CENPU: variants seen among roughly 807,000 people sequenced by gnomAD.
CENPU encodes KSHV latent nuclear antigen interacting protein 1.
CENPU carries 46 observed loss-of-function variants against 56.7 expected under a neutral mutation model. That is an observed-to-expected ratio of 0.81 (90% CI 0.64 to 1.04). The LOEUF is 1.04. Ranked by LOEUF, CENPU falls within the 50% of genes least tolerant of loss-of-function variation. The pLI is 0.00. For missense variants in CENPU, 510 were observed against 490.1 expected, an observed-to-expected ratio of 1.04 and a Z score of -0.38; for synonymous variants, 166 against 163.0, an observed-to-expected ratio of 1.02 and a Z score of -0.14.
intron 8 of CENPU, among the ~76,000 whole-genome samples, chr4:184,708,460 GAATAA>G (rs1760804783): frequency 6.6e-6 from 1 of 150,414 alleles, no homozygotes; most frequent in Non-Finnish European, 1.5e-5. Flanking sequence ...AGCAGCAATA[GAATAA>G]AAAAATAAAA....
chr4:184,713,700 C>T (rs1051351005), intron 6 of CENPU, among the ~76,000 whole-genome samples: 2 of 152,108 alleles, frequency 1.3e-5, no homozygotes, highest in African/African-American at 4.8e-5. Flanking sequence ...CAATTTTATT[C>T]AGGCACTGGA....
chr4:184,699,506 T>G, intron 11 of CENPU: 1 of 1,213,236 alleles, frequency 8.2e-7, no homozygotes, highest in Non-Finnish European at 1.1e-6. Flanking sequence ...ACAGGAAGCT[T>G]GTAAATGTTA....
Position 184,717,154 on chromosome 4 carries a change from TAC to T in CENPU, c.361_362del (p.Val121LysfsTer3), listed in dbSNP as rs1761122141. On this transcript the variant is annotated frameshift_variant, in exon 5 of 13. Coordinates refer to ENST00000281453, the MANE Select transcript of CENPU (RefSeq NM_024629.4). LOFTEE classifies it high-confidence loss of function. Reference sequence around the variant, plus strand: ...TACATACCTTTTTTGCACTAATTTTTACAGATTCGATTTCACTTGCTTCATTT... The same window carrying T: ...TACATACCTTTTTTGCACTAATTTTTAGATTCGATTTCACTTGCTTCATTT... ...SGNEASEIES[V>X]KISAKKPGRK... 6.2e-7 allele frequency: 1 copy of T among 1,612,204 alleles called. No individual in the cohort carries two copies. Among genetic ancestry groups the T allele is most frequent in the South Asian group, 1.1e-5 (1 of 91,008 alleles).
Position 184,697,652 on chromosome 4 carries a change from C to G in CENPU, c.1138G>C (p.Glu380Gln), listed in dbSNP as rs771768662. The G allele has an allele frequency of 1.2e-6, 2 of 1,612,568 alleles. No individual in the cohort carries two copies. Among genetic ancestry groups the G allele is most frequent in the Admixed American group, 3.4e-5 (2 of 59,594 alleles). ...DVQAQEPNVK[E>Q]TYDSSSLPAL... is the part of the protein sequence containing the mutation. ...AAAAGTAAAATTGGAGTTACCGTTT[C>G]CTTTACGTTTGGTTCTTGAGCTTGA... is the stretch of plus-strand genomic sequence containing the variant. The change falls in exon 12 of 13, where the codon GAA becomes CAA. Residue 380 changes from glutamate to glutamine, a missense_variant. Physicochemically the swap from Glu to Gln is conservative, Grantham distance 29. Transcript: ENST00000281453.
intron 3 of CENPU, among the ~76,000 whole-genome samples, chr4:184,726,900 C>G (rs2150229327): frequency 6.8e-6 from 1 of 146,802 alleles, no homozygotes; most frequent in East Asian, 2.0e-4. Flanking sequence ...ACCAGCCTGG[C>G]CAATATGGCA....
chr4:184,704,032 A>C (rs1561130299), intron 8 of CENPU, among the ~76,000 whole-genome samples: 1 of 152,166 alleles, frequency 6.6e-6, no homozygotes, highest in Non-Finnish European at 1.5e-5. Context: ...GGTATACTAC[A>C]TAATACTAGG....
At chr4:184,716,674 G>C (rs1229183396) in intron 5 of CENPU, 41 bp from the exon 6 acceptor site, 1 of 1,423,432 alleles carries the variant, frequency 7.0e-7, no homozygotes, top group East Asian at 2.3e-5. Flanking sequence ...GTAGAAAATA[G>C]AAATGCTTAT....
rs1265727163 is a variant in CENPU at position 184,694,595 on chromosome 4, C to A, written c.*693G>T. On this transcript the variant is annotated 3_prime_UTR_variant, in exon 13 of 13. Coordinates refer to ENST00000281453, the MANE Select transcript of CENPU (RefSeq NM_024629.4). ...ACCCAGAATCCTCATAAACCATCAC[C>A]TAGCAGGCTGTCAACAGGTGCATCT... is the stretch of plus-strand genomic sequence containing the variant. 2 of 1,614,134 alleles carry A rather than the reference C, an allele frequency of 1.2e-6. No homozygotes were observed. The highest frequency in any genetic ancestry group is 2.2e-5 in the East Asian group (1 of 44,886).
intron 4 of CENPU, among the ~76,000 whole-genome samples, chr4:184,718,821 ACT>A (rs1761180193): frequency 6.6e-6 from 1 of 152,222 alleles, no homozygotes; most frequent in Non-Finnish European, 1.5e-5. Context: ...AAAGAAGTTC[ACT>A]GACACTAGAT....
At chr4:184,729,870 T>A (rs952058444) in intron 2 of CENPU, among the ~76,000 whole-genome samples, 5 of 152,208 alleles carry the variant, frequency 3.3e-5, no homozygotes, top group African/African-American at 1.2e-4. Flanking sequence ...TCATGGTAGT[T>A]CCAGAAAATG....
In CENPU at chr4:184,694,896, A is replaced by G; in HGVS notation, c.*392T>C. ...ACTAAGTTTTATTACTTTGCTTTCC[A>G]ATTTTTGTTTTTTACTTCTGTAAAC... is the stretch of plus-strand genomic sequence containing the variant. On this transcript the variant is annotated 3_prime_UTR_variant, in exon 13 of 13. Transcript: ENST00000281453. The G allele has an allele frequency of 1.0e-6, 1 of 957,630 alleles. No individual in the cohort carries two copies. Among genetic ancestry groups the G allele is most frequent in the Non-Finnish European group, 1.5e-6 (1 of 665,794 alleles). 59.3% of individuals were successfully genotyped at this position (957,630 alleles called of 1,614,324 possible).
intron 4 of CENPU, among the ~76,000 whole-genome samples, chr4:184,724,020 T>A (rs1385205683): frequency 6.6e-6 from 1 of 152,018 alleles, no homozygotes; most frequent in Admixed American, 6.5e-5. Context: ...ATCCCAGCAC[T>A]TTGGGAGGCC....
chr4:184,713,036 G>C, intron 6 of CENPU, 23 bp from the exon 7 acceptor site: 1 of 1,437,126 alleles, frequency 7.0e-7, no homozygotes, highest in Non-Finnish European at 9.5e-7. Flanking sequence ...AAAGCATTAA[G>C]TTTTTAAGAA....
At chr4:184,731,051 A>AT in intron 1 of CENPU, 83 bp from the exon 2 acceptor site, 1 of 850,760 alleles carries the variant, frequency 1.2e-6, no homozygotes, top group South Asian at 2.0e-5. Context: ...CTTTCCGCGC[A>AT]TTTTTACCAA....
chr4:184,717,142 T>G lies in CENPU; in HGVS notation c.375A>C (p.Ala125=), dbSNP rs1761121496. 1 of 1,609,894 alleles carries G rather than the reference T, an allele frequency of 6.2e-7. No individual in the cohort carries two copies. The highest frequency in any genetic ancestry group is 1.3e-5 in the African/African-American group (1 of 74,876). Residue 125 remains alanine (A), a synonymous_variant, in exon 5 of 13, where the codon GCA becomes GCC. Coordinates refer to ENST00000281453, the MANE Select transcript of CENPU (RefSeq NM_024629.4). The part of the protein sequence containing the change: ...ASEIESVKIS[A]KKPGRKLRPI... ...AGTGAATACTCCTACATACCTTTTT[T>G]GCACTAATTTTTACAGATTCGATTT...
chr4:184,701,888 CAA>C (rs1209666472), intron 10 of CENPU, among the ~76,000 whole-genome samples, 199 bp downstream of exon 10: 1 of 152,062 alleles, frequency 6.6e-6, no homozygotes, highest in Non-Finnish European at 1.5e-5. Flanking sequence ...CCTTAGGAAA[CAA>C]AAGTGACTAG....
At chr4:184,698,782 C>A (rs1017600450) in intron 11 of CENPU, among the ~76,000 whole-genome samples, 2 of 152,182 alleles carry the variant, frequency 1.3e-5, no homozygotes, top group African/African-American at 2.4e-5. Flanking sequence ...AAATGCAGCG[C>A]TGGGGAAAAC....
chr4:184,702,436 C>A lies in CENPU; in HGVS notation c.803G>T (p.Arg268Ile). 1.2e-6 allele frequency: 2 copies of A among 1,607,694 alleles called. No individual in the cohort carries two copies. Among genetic ancestry groups the A allele is most frequent in the South Asian group, 2.2e-5 (2 of 89,306 alleles). Residue 268 changes from arginine (R) to isoleucine (I), a missense_variant, in exon 9 of 13, where the codon AGA (arginine) becomes ATA (isoleucine). Physicochemically the swap from Arg to Ile is moderately conservative, Grantham distance 97. Transcript: ENST00000281453. Reference protein sequence around the residue: ...FEKTHLEHQQRIESKVCKAAI... With the variant: ...FEKTHLEHQQIIESKVCKAAI... ...TGCCTTACAAACTTTAGATTCTATT[C>A]TTTGTCTGTAGAGGAATTAAAAAAA...
Position 184,694,982 on chromosome 4 carries a change from A to C in CENPU, c.*306T>G. On this transcript the variant is annotated 3_prime_UTR_variant, in exon 13 of 13. Coordinates refer to ENST00000281453, the MANE Select transcript of CENPU (RefSeq NM_024629.4). ...GGAGAAATCGCCTTATTAATTAATC[A>C]AAATTATGTTCACATCAACTTAATT... The C allele has an allele frequency of 1.8e-6, 1 of 554,660 alleles. No homozygotes were observed. The highest frequency in any genetic ancestry group is 3.2e-6 in the Non-Finnish European group (1 of 315,792). The allele number at this position is 554,660 out of a possible 1,614,324, so 34.4% of individuals were successfully genotyped here.
Sources: gnomAD v4.1 joint callset for allele counts (sites outside exome capture counted in the v4.1 genomes callset) on GRCh38, gnomAD v4.1.1 for gene constraint, MANE v1.5 for transcripts, NCBI Gene and HGNC (gene_info 2026-07-23, HGNC 2026-07-21) for gene names.